ROPN1: variants seen among roughly 807,000 people sequenced by gnomAD.
ROPN1 encodes ropporin-1A.
In ROPN1, 14 loss-of-function variants were observed where a neutral mutation model predicts 20.5. The ratio of observed to expected loss-of-function variants is 0.68; its 90% CI spans 0.45 to 1.07. The LOEUF (loss-of-function observed/expected upper bound fraction) is 1.07, where lower values mean the gene tolerates loss of function less well. ROPN1 is among the 50% of genes least tolerant of loss of function. ROPN1 has a pLI of 0.00. For synonymous variants in ROPN1, 76 were observed against 95.7 expected, an observed-to-expected ratio of 0.79 and a Z score of 1.20; for missense variants, 169 against 242.8, an observed-to-expected ratio of 0.70 and a Z score of 2.02.
chr3:123,986,309 T>C (rs2038255224), intron 1 of ROPN1, among the ~76,000 whole-genome samples: 1 of 152,074 alleles, frequency 6.6e-6, no homozygotes, highest in African/African-American at 2.4e-5. Context: ...TAATAATTTT[T>C]ATTAATATTA....
intron 1 of ROPN1, 104 bp downstream of exon 1, chr3:123,991,818 C>T (rs1001150464): frequency 2.0e-5 from 3 of 152,298 alleles, no homozygotes; most frequent in Non-Finnish European, 2.9e-5. Context: ...CAAGGAGAGG[C>T]TCAGAATCCA....
In ROPN1 at chr3:123,970,217, T is replaced by C. The variant is rs749489239; in HGVS notation, c.397A>G (p.Thr133Ala). ...LALACSALGV[T>A]ITKTLKIVCE... ...ACTATCTTGAGAGTTTTGGTAATAG[T>C]CTATAAAAGTTAGATAAAATGAGGA... Residue 133 changes from threonine to alanine, a missense_variant and splice_region_variant, in exon 5 of 6, where the codon ACT becomes GCT. Transcript: ENST00000405845. The C allele has an allele frequency of 3.1e-6, 5 of 1,612,320 alleles. No homozygotes were observed. The Admixed American group carries it at 8.3e-5, about 27-fold the overall frequency.
intron 5 of ROPN1, among the ~76,000 whole-genome samples, chr3:123,969,755 C>T (rs528215392): frequency 1.8e-3 from 277 of 152,344 alleles, no homozygotes; most frequent in African/African-American, 6.3e-3. Context: ...GTTTATGATT[C>T]CATAGGTCCA....
chr3:123,985,536 T>C (rs549723039), intron 1 of ROPN1, among the ~76,000 whole-genome samples: 102 of 152,324 alleles, frequency 6.7e-4, no homozygotes, highest in Non-Finnish European at 1.0e-4. Context: ...TGTGACTTGA[T>C]TTGTTTGTGA....
chr3:123,973,095 G>A (rs191769478), intron 4 of ROPN1, among the ~76,000 whole-genome samples: 100 of 152,158 alleles, frequency 6.6e-4, no homozygotes, highest in African/African-American at 2.4e-3. Context: ...AACTCCCAGA[G>A]GCCCTACTTT....
rs2038113892 is a variant in ROPN1, at chr3:123,980,382, T to A, written c.100A>T (p.Ile34Phe). 1 of 1,614,038 alleles carries A rather than the reference T, an allele frequency of 6.2e-7. No individual in the cohort carries two copies. Among genetic ancestry groups the A allele is most frequent in the Admixed American group, 1.7e-5 (1 of 59,996 alleles). The change falls in exon 2 of 6, where the codon ATC (isoleucine) becomes TTC (phenylalanine). Residue 34 changes from isoleucine (I) to phenylalanine (F), a missense_variant. This residue lies in a region of ROPN1 where 84 missense variants were observed against 99.3 expected (regional missense o/e 0.85). Transcript: ENST00000405845. ...AAIRVQPQDL[I>F]QWAADYFEAL... ...AGCACGTACTCGGCTGCCCACTGGA[T>A]GAGGTCCTGCGGCTGCACCCTAATG...
chr3:123,975,901 G>A (rs1309802939), intron 3 of ROPN1, among the ~76,000 whole-genome samples: 1 of 152,008 alleles, frequency 6.6e-6, no homozygotes. Context: ...GGGGTAGAGG[G>A]CTTACCTGAG....
chr3:123,972,322 C>T (rs1020163069), intron 4 of ROPN1, among the ~76,000 whole-genome samples: 5 of 152,096 alleles, frequency 3.3e-5, no homozygotes, highest in African/African-American at 1.2e-4. Context: ...TGACATAAAC[C>T]TAAAGTAAAC....
chr3:123,972,371 G>A (rs921687165), intron 4 of ROPN1, among the ~76,000 whole-genome samples: 12 of 152,132 alleles, frequency 7.9e-5, no homozygotes, highest in African/African-American at 1.7e-4. Context: ...TTTGGGATCC[G>A]CTTCACAGAC....
chr3:123,982,217 A>G (rs2038164214), intron 1 of ROPN1, among the ~76,000 whole-genome samples: 1 of 152,248 alleles, frequency 6.6e-6, no homozygotes, highest in African/African-American at 2.4e-5. Context: ...AGAGTGACGA[A>G]AGCTTCAATT....
intron 1 of ROPN1, 30 bp downstream of exon 1, chr3:123,991,892 C>T (rs1213184880): frequency 9.6e-5 from 14 of 145,518 alleles, no homozygotes; most frequent in African/African-American, 3.4e-4. Flanking sequence ...AGAGCCCTGC[C>T]CTCCCTCCAC....
At chr3:123,972,761 T>C (rs2037942381) in intron 4 of ROPN1, among the ~76,000 whole-genome samples, 1 of 152,222 alleles carries the variant, frequency 6.6e-6, no homozygotes, top group Admixed American at 6.5e-5. Flanking sequence ...TGCTATTGAA[T>C]TGGCAAAGGA....
In ROPN1 at chr3:123,969,281, A is replaced by T. The variant is rs929658537; in HGVS notation, c.573-60T>A. The T allele has an allele frequency of 7.8e-6, 10 of 1,274,434 alleles. No individual in the cohort carries two copies. The African/African-American group carries it at 1.5e-4, about 19-fold the overall frequency. The allele number at this position is 1,274,434 out of a possible 1,614,324, so 78.9% of individuals were successfully genotyped here. On this transcript the variant is annotated intron_variant, in intron 5 of 5. Transcript: ENST00000405845. ...TTGACAGTTAATCTTAAGAAAGACA[A>T]TATGCAAACAACTCTCATTTCACAT...
At chr3:123,981,145 CAAAT>C (rs1200726084) in intron 1 of ROPN1, among the ~76,000 whole-genome samples, 2 of 152,174 alleles carry the variant, frequency 1.3e-5, no homozygotes, top group African/African-American at 4.8e-5. Flanking sequence ...ATTCCCTCCA[CAAAT>C]AAACAACAGA....
chr3:123,970,728 T>G (rs1326647831), intron 4 of ROPN1, among the ~76,000 whole-genome samples: 12 of 152,124 alleles, frequency 7.9e-5, no homozygotes. Context: ...AAAATGTTCT[T>G]AAACATCAAG....
At chr3:123,976,825 G>T in intron 3 of ROPN1, 39 bp downstream of exon 3, 3 of 1,585,078 alleles carry the variant, frequency 1.9e-6, no homozygotes, top group Non-Finnish European at 2.6e-6. Flanking sequence ...CCTCAACACT[G>T]TCCCTACATT....
chr3:123,984,262 C>T (rs564018628), intron 1 of ROPN1, among the ~76,000 whole-genome samples: 283 of 152,292 alleles, frequency 1.9e-3, no homozygotes, highest in Non-Finnish European at 3.2e-3. Context: ...CTATTTCATA[C>T]TTCCCATTGC....
chr3:123,980,380 G>C lies in ROPN1; in HGVS notation c.102C>G (p.Ile34Met), dbSNP rs761005983. The change falls in exon 2 of 6, where the codon ATC (isoleucine) becomes ATG (methionine). Residue 34 changes from isoleucine (I) to methionine (M), a missense_variant. By Grantham distance (10) the Ile-to-Met change is conservative. This residue lies in a region of ROPN1 where 84 missense variants were observed against 99.3 expected (regional missense o/e 0.85). Coordinates refer to ENST00000405845, the MANE Select transcript of ROPN1 (RefSeq NM_001317774.2). Reference sequence around the variant, plus strand: ...GGAGCACGTACTCGGCTGCCCACTGGATGAGGTCCTGCGGCTGCACCCTAA... The same window carrying C: ...GGAGCACGTACTCGGCTGCCCACTGCATGAGGTCCTGCGGCTGCACCCTAA... ...AAIRVQPQDL[I>M]QWAADYFEAL... 6.2e-7 allele frequency: 1 copy of C among 1,614,160 alleles called. No homozygotes were observed. The highest frequency in any genetic ancestry group is 8.5e-7 in the Non-Finnish European group (1 of 1,180,016).
intron 1 of ROPN1, among the ~76,000 whole-genome samples, chr3:123,987,842 C>T (rs2038301166): frequency 6.6e-6 from 1 of 152,168 alleles, no homozygotes; most frequent in African/African-American, 2.4e-5. Flanking sequence ...AGCATGAGTT[C>T]TACATGTTTA....
Sources: allele counts gnomAD v4.1 joint callset (sites outside exome capture counted in the v4.1 genomes callset), GRCh38; gene constraint gnomAD v4.1.1; regional missense constraint gnomAD v4.1.1; transcripts MANE v1.5; gene names NCBI Gene and HGNC (gene_info 2026-07-23, HGNC 2026-07-21).